LRP1B: variants seen among roughly 807,000 people sequenced by gnomAD.
LRP1B encodes the protein low-density lipoprotein receptor-related protein 1B.
LRP1B carries 217 observed loss-of-function variants against 556.6 expected under a neutral mutation model. The ratio of observed to expected loss-of-function variants is 0.39; its 90% CI spans 0.35 to 0.44. The LOEUF (loss-of-function observed/expected upper bound fraction) is 0.44. LRP1B is among the 20% of genes least tolerant of loss of function. The probability of loss-of-function intolerance (pLI) is 1.00; values close to 1 mark genes in which losing one functional copy is unlikely to be tolerated. For missense variants in LRP1B, 5,053 were observed against 5,620.8 expected (o/e 0.90, Z 3.23); for synonymous variants, 2,047 against 1,865.8 (o/e 1.10, Z -2.50).
chr2:142,029,405 G>A (rs917347742), intron 1 of LRP1B, among the ~76,000 whole-genome samples: 2 of 151,870 alleles, frequency 1.3e-5, no homozygotes, highest in Non-Finnish European at 2.9e-5. Context: ...CTGATTTTAT[G>A]TATCTCAGAA....
At chr2:141,250,616 A>G (rs1039556450) in intron 4 of LRP1B, among the ~76,000 whole-genome samples, 1 of 152,138 alleles carries the variant, frequency 6.6e-6, no homozygotes, top group Non-Finnish European at 1.5e-5. Context: ...GTGAATGACT[A>G]CATCTGAGGA....
At chr2:140,504,474 C>T (rs10182235) in intron 53 of LRP1B, among the ~76,000 whole-genome samples, 6,819 of 152,180 alleles carry the variant, frequency 0.045, 392 homozygotes, top group African/African-American at 0.14. Flanking sequence ...TATTTTCCTG[C>T]CAGCTTTAGG....
chr2:142,130,266 C>A (rs1004927404), intron 1 of LRP1B, among the ~76,000 whole-genome samples: 1 of 152,226 alleles, frequency 6.6e-6, no homozygotes, highest in African/African-American at 2.4e-5. Context: ...CGCGGAGAAC[C>A]TGGAGCTCGC....
intron 35 of LRP1B, among the ~76,000 whole-genome samples, chr2:140,738,999 T>C (rs1688044215): frequency 6.6e-6 from 1 of 152,128 alleles, no homozygotes; most frequent in Non-Finnish European, 1.5e-5. Flanking sequence ...CAGTGAGGTG[T>C]AGCTAAGTCA....
chr2:140,891,397 A>G (rs1226651316), intron 23 of LRP1B, among the ~76,000 whole-genome samples: 3 of 152,150 alleles, frequency 2.0e-5, no homozygotes, highest in Non-Finnish European at 2.9e-5. Context: ...CCATACAACT[A>G]GCAATTCTAT....
chr2:141,084,644 T>C (rs537577002), intron 7 of LRP1B, among the ~76,000 whole-genome samples: 11 of 124,478 alleles, frequency 8.8e-5, no homozygotes, highest in African/African-American at 3.2e-4. Context: ...CCATAGATAC[T>C]TCTGTTTCTT....
At chr2:140,570,841 TAGAG>T (rs1361931616) in intron 43 of LRP1B, among the ~76,000 whole-genome samples, 1 of 151,798 alleles carries the variant, frequency 6.6e-6, no homozygotes, top group Non-Finnish European at 1.5e-5. Flanking sequence ...GAGTTTATTA[TAGAG>T]ATTCAAGGAT....
intron 7 of LRP1B, 55 bp downstream of exon 7, chr2:141,188,366 C>G (rs1681353806): frequency 1.3e-6 from 2 of 1,535,080 alleles, no homozygotes; most frequent in Admixed American, 3.8e-5. Flanking sequence ...ATACTTCAAT[C>G]TTTTCTTTTT....
At chr2:140,653,736 T>C (rs915701047) in intron 41 of LRP1B, among the ~76,000 whole-genome samples, 1 of 151,968 alleles carries the variant, frequency 6.6e-6, no homozygotes, top group African/African-American at 2.4e-5. Flanking sequence ...TAAAAGACTT[T>C]AACTATGGCC....
chr2:141,067,187 T>C (rs1323832912), intron 7 of LRP1B, among the ~76,000 whole-genome samples: 2 of 152,022 alleles, frequency 1.3e-5, no homozygotes, highest in Admixed American at 1.3e-4. Flanking sequence ...AATTGAGGTA[T>C]ATTTAGAAAT....
At chr2:140,563,417 T>C (rs1447213028) in intron 43 of LRP1B, among the ~76,000 whole-genome samples, 1 of 4,294 alleles carries the variant, frequency 2.3e-4, no homozygotes, top group Non-Finnish European at 0.013. Context: ...GTCATGATAA[T>C]TTTAAAAAAT....
At chr2:140,447,906 A>G (rs566817369) in intron 63 of LRP1B, among the ~76,000 whole-genome samples, 2 of 152,190 alleles carry the variant, frequency 1.3e-5, no homozygotes, top group South Asian at 2.1e-4. Flanking sequence ...AGGGAGAGAG[A>G]GAGGGAACAG....
At chr2:141,145,898 C>T (rs1400624192) in intron 7 of LRP1B, among the ~76,000 whole-genome samples, 2 of 142,764 alleles carry the variant, frequency 1.4e-5, no homozygotes, top group Admixed American at 7.1e-5. Flanking sequence ...TGTTATTTCA[C>T]GTTTTTCTTT....
chr2:141,589,738 C>T (rs569902216), intron 2 of LRP1B, among the ~76,000 whole-genome samples: 21 of 152,246 alleles, frequency 1.4e-4, no homozygotes, highest in Middle Eastern at 3.4e-3. Context: ...GCTCTGTCAA[C>T]AATCATGAGG....
chr2:140,679,614 C>A, intron 41 of LRP1B, among the ~76,000 whole-genome samples: 1 of 152,298 alleles, frequency 6.6e-6, no homozygotes, highest in African/African-American at 2.4e-5. Flanking sequence ...CGTACTGTAA[C>A]TTGGTCAGAA....
In LRP1B at chr2:141,736,366, T is replaced by C. The variant is rs115189673; in HGVS notation, c.205+73913A>G. ...ATAACCTTATTTAAAAATAGTGTTA[T>C]TGCAGATGTAATTAAGATGAGGTCA... On this transcript the variant is annotated intron_variant, in intron 2 of 90. Coordinates refer to ENST00000389484, the MANE Select transcript of LRP1B (RefSeq NM_018557.3). Among the ~76,000 whole-genome samples the C allele has an allele frequency of 7.3e-3, 1,118 of 152,266 alleles. 13 individuals carry two copies. The highest frequency in any genetic ancestry group is 0.026 in the African/African-American group (1,076 of 41,562).
At chr2:141,511,683 C>T (rs1047268761) in intron 2 of LRP1B, among the ~76,000 whole-genome samples, 1 of 152,066 alleles carries the variant, frequency 6.6e-6, no homozygotes, top group Non-Finnish European at 1.5e-5. Context: ...TTGCTCAGTG[C>T]GTAAACTACT....
At chr2:141,440,104 T>C (rs1442317116) in intron 3 of LRP1B, among the ~76,000 whole-genome samples, 1 of 152,066 alleles carries the variant, frequency 6.6e-6, no homozygotes, top group Non-Finnish European at 1.5e-5. Context: ...TCACGTATAT[T>C]ATTTGCCCCC....
intron 1 of LRP1B, among the ~76,000 whole-genome samples, chr2:141,873,239 T>G (rs1054206789): frequency 1.1e-4 from 16 of 151,964 alleles, no homozygotes; most frequent in African/African-American, 3.9e-4. Flanking sequence ...GAGACTTGCT[T>G]GAGTCAAGGA....
Sources: allele counts gnomAD v4.1 joint callset (sites outside exome capture counted in the v4.1 genomes callset), GRCh38; gene constraint gnomAD v4.1.1; transcripts MANE v1.5; gene names NCBI Gene and HGNC (gene_info 2026-07-23, HGNC 2026-07-21).